The following IL34 variants were observed in gnomAD, a reference collection of about 807,000 sequenced individuals.
IL34 encodes the protein interleukin-34.
IL34 carries 17 observed loss-of-function variants against 25.3 expected under a neutral mutation model. The observed-to-expected ratio is 0.67, with a 90% CI of 0.46 to 1.01. IL34 has a LOEUF of 1.01. Ranked by LOEUF, IL34 falls within the 50% of genes least tolerant of loss-of-function variation. IL34 has a pLI of 0.00. For synonymous variants in IL34, 174 were observed against 140.9 expected, an observed-to-expected ratio of 1.23 and a Z score of -1.66; for missense variants, 368 against 312.9, an observed-to-expected ratio of 1.18 and a Z score of -1.33.
At chr16:70,654,755 C>T in intron 2 of IL34, 84 bp downstream of exon 2, 1 of 1,486,368 alleles carries the variant, frequency 6.7e-7, no homozygotes. Context: ...CAGAGCCCTT[C>T]TTAGGACCTG....
chr16:70,654,259 G>A (rs2052155083), intron 1 of IL34: 1 of 295,314 alleles, frequency 3.4e-6, no homozygotes. Context: ...CAGAAGCGGG[G>A]AGACCAGACG....
upstream of IL34, among the ~76,000 whole-genome samples, chr16:70,645,664 C>T (rs1279354474): frequency 1.3e-5 from 2 of 152,206 alleles, no homozygotes; most frequent in African/African-American, 4.8e-5. Flanking sequence ...TGACCTTGGA[C>T]AAGTGTCTTA....
chr16:70,607,797 C>G (rs1456492484), intron 1 of IL34, among the ~76,000 whole-genome samples: 4 of 151,334 alleles, frequency 2.6e-5, no homozygotes, highest in Non-Finnish European at 5.9e-5. Context: ...CAGAGTCTTG[C>G]TCTGTTACCT....
At chr16:70,618,966 C>G (rs1181667378) in intron 1 of IL34, among the ~76,000 whole-genome samples, 2 of 152,134 alleles carry the variant, frequency 1.3e-5, no homozygotes, top group Middle Eastern at 3.4e-3. Context: ...AGATGTAGAA[C>G]AGAATAATGG....
At chr16:70,591,003 C>T (rs563087827) in intron 1 of IL34, among the ~76,000 whole-genome samples, 7 of 152,260 alleles carry the variant, frequency 4.6e-5, no homozygotes, top group East Asian at 1.9e-4. Context: ...GACCCGGCCC[C>T]GGCCCCAGCC....
rs2052067234 is a variant in IL34 at position 70,651,118 on chromosome 16, G to A, written c.29-3420G>A. 2.6e-5 allele frequency among the ~76,000 whole-genome samples: 4 copies of A among 152,258 alleles called. No homozygotes were observed. In the South Asian group the frequency reaches 8.3e-4, roughly 32 times the overall value. ...TCCCAGGTCATGAGTGAATGGGGAAGGTGGTGCTGGAGACAGAGACCGATG... is the reference window on the plus strand; with the variant it reads ...TCCCAGGTCATGAGTGAATGGGGAAAGTGGTGCTGGAGACAGAGACCGATG... On this transcript the variant is annotated intron_variant, in intron 1 of 5. Coordinates refer to ENST00000288098, the MANE Select transcript of IL34 (RefSeq NM_001393494.1).
At chr16:70,612,619 G>T (rs985822546) in intron 1 of IL34, among the ~76,000 whole-genome samples, 2 of 152,236 alleles carry the variant, frequency 1.3e-5, no homozygotes, top group Non-Finnish European at 2.9e-5. Flanking sequence ...GAAAGTGCTT[G>T]TTAACCCACA....
chr16:70,657,150 GGTGT>G (rs759042156), intron 4 of IL34, 29 bp downstream of exon 4: 7 of 1,605,184 alleles, frequency 4.4e-6, no homozygotes, highest in Non-Finnish European at 6.0e-6. Flanking sequence ...TGGCAGGTGG[GGTGT>G]GTGTGTGTGC....
intron 1 of IL34, among the ~76,000 whole-genome samples, chr16:70,639,546 A>ATGTTG (rs2051732937): frequency 6.6e-6 from 1 of 152,234 alleles, no homozygotes; most frequent in Admixed American, 6.5e-5. Context: ...TGCCAACATC[A>ATGTTG]GCAAAGAGTG....
intron 1 of IL34, among the ~76,000 whole-genome samples, chr16:70,614,915 G>A (rs1431262231): frequency 6.6e-6 from 1 of 152,210 alleles, no homozygotes; most frequent in African/African-American, 2.4e-5. Context: ...TTACTGCTTA[G>A]TATTTTGATT....
At chr16:70,640,987 G>A (rs181659456) in intron 1 of IL34, among the ~76,000 whole-genome samples, 1 of 152,160 alleles carries the variant, frequency 6.6e-6, no homozygotes, top group African/African-American at 2.4e-5. Flanking sequence ...AATTGAAAGT[G>A]TTGCCTGGGC....
At chr16:70,600,105 G>A (rs2050893735) in intron 1 of IL34, among the ~76,000 whole-genome samples, 1 of 152,084 alleles carries the variant, frequency 6.6e-6, no homozygotes, top group Non-Finnish European at 1.5e-5. Context: ...TGTCCTGAGT[G>A]TCTGCTATGT....
chr16:70,614,081 G>A (rs938808723), intron 1 of IL34, among the ~76,000 whole-genome samples: 1 of 151,686 alleles, frequency 6.6e-6, no homozygotes, highest in African/African-American at 2.4e-5. Flanking sequence ...CTACTCAGGA[G>A]GCTGAGGTGG....
intron 1 of IL34, among the ~76,000 whole-genome samples, chr16:70,612,259 A>G (rs62050277): frequency 0.025 from 3,750 of 151,952 alleles, 70 homozygotes; most frequent in Non-Finnish European, 0.035. Context: ...TCCTCAAGTC[A>G]CATAGCAAGT....
rs192933913 is a variant in IL34, at chr16:70,580,424, G to T, written c.-401+375G>T. Among the ~76,000 whole-genome samples, 190 of 152,360 alleles carry T rather than the reference G, an allele frequency of 1.2e-3. No individual in the cohort carries two copies. In the South Asian group the frequency reaches 0.016, roughly 13 times the overall value. On this transcript the variant is annotated intron_variant, in intron 1 of 6. Transcript: ENST00000429149. ...GCTGCTCCACTATATATTGCCGTAGGTCTTTGGACCTTAATGTACTGTGTG... is the reference window on the plus strand; with the variant it reads ...GCTGCTCCACTATATATTGCCGTAGTTCTTTGGACCTTAATGTACTGTGTG...
In IL34 at chr16:70,634,432, C is replaced by G. The variant is rs143110421; in HGVS notation, c.-400-12116C>G. Among the ~76,000 whole-genome samples the G allele has an allele frequency of 5.7e-3, 867 of 152,104 alleles. 8 individuals carry two copies. The highest frequency in any genetic ancestry group is 0.02 in the African/African-American group (817 of 41,486). ...CAGTGGCTCATGCCTGTAATCCCAG[C>G]ACTTTGCGAGGCCAAGGCAGGCTGA... On this transcript the variant is annotated intron_variant, in intron 1 of 6. Transcript: ENST00000429149.
intron 1 of IL34, among the ~76,000 whole-genome samples, chr16:70,623,651 A>G (rs2051326482): frequency 6.6e-6 from 1 of 151,934 alleles, no homozygotes; most frequent in African/African-American, 2.4e-5. Flanking sequence ...AGGTGGGGGA[A>G]TACAAGAGGA....
intron 1 of IL34, among the ~76,000 whole-genome samples, chr16:70,585,747 G>A (rs886935126): frequency 6.7e-6 from 1 of 149,350 alleles, no homozygotes; most frequent in South Asian, 2.2e-4. Context: ...GCACAGGCTC[G>A]TCTTGAACTC....
chr16:70,605,969 G>GTTTT (rs77101515), intron 1 of IL34, among the ~76,000 whole-genome samples: 24 of 123,212 alleles, frequency 1.9e-4, no homozygotes, highest in African/African-American at 7.2e-4. Flanking sequence ...ACCGCACCTG[G>GTTTT]TTTTTTTTTT....
Sources: allele counts gnomAD v4.1 joint callset (sites outside exome capture counted in the v4.1 genomes callset), GRCh38; gene constraint gnomAD v4.1.1; transcripts MANE v1.5; gene names NCBI Gene and HGNC (gene_info 2026-07-23, HGNC 2026-07-21).